CLASP1: variants seen among roughly 807,000 people sequenced by gnomAD.
The protein encoded by CLASP1 is CLIP-associating protein 1.
In CLASP1, 38 loss-of-function variants were observed where a neutral mutation model predicts 192.3. The observed-to-expected ratio is 0.20, with a 90% CI of 0.15 to 0.26. The LOEUF is 0.26. Ranked by LOEUF, CLASP1 falls within the 10% of genes least tolerant of loss-of-function variation. The pLI is 1.00. For missense variants in CLASP1, 1,433 were observed against 1,932.5 expected (o/e 0.74, Z 4.85); for synonymous variants, 691 against 712.8 (o/e 0.97, Z 0.49).
intron 6 of CLASP1, among the ~76,000 whole-genome samples, chr2:121,516,059 C>T (rs558065684): frequency 4.5e-4 from 69 of 152,138 alleles, no homozygotes; most frequent in Middle Eastern, 3.4e-3. Context: ...AATTTTCAGA[C>T]CATCTTTCCA....
intron 26 of CLASP1, chr2:121,402,621 A>G (rs1196078582): frequency 3.9e-6 from 2 of 518,876 alleles, no homozygotes; most frequent in Non-Finnish European, 7.7e-6. Flanking sequence ...GATGGAAACA[A>G]ATTTCCTTCT....
chr2:121,648,218 T>A (rs2073536061), intron 1 of CLASP1, among the ~76,000 whole-genome samples: 1 of 152,126 alleles, frequency 6.6e-6, no homozygotes, highest in African/African-American at 2.4e-5. Flanking sequence ...TAAAAACAAT[T>A]TCTAATGCCA....
At chr2:121,397,109 T>C in intron 30 of CLASP1, 31 bp downstream of exon 31, 1 of 1,609,872 alleles carries the variant, frequency 6.2e-7, no homozygotes, top group Non-Finnish European at 8.5e-7. Flanking sequence ...AGGAACAATC[T>C]GTAATTACAC....
At chr2:121,577,196 T>A (rs2060607931) in intron 2 of CLASP1, among the ~76,000 whole-genome samples, 1 of 152,034 alleles carries the variant, frequency 6.6e-6, no homozygotes, top group African/African-American at 2.4e-5. Flanking sequence ...GTTCATTGTT[T>A]CATTTTCTTT....
chr2:121,346,946 C>T, intron 39 of CLASP1, 92 bp downstream of exon 40: 2 of 757,602 alleles, frequency 2.6e-6, no homozygotes, highest in Non-Finnish European at 4.4e-6. Flanking sequence ...ATGAACAAAA[C>T]CTGTCTGGAA....
intron 38 of CLASP1, 118 bp from the exon 40 acceptor site, chr2:121,347,272 C>G (rs1311042653): frequency 2.9e-6 from 2 of 701,290 alleles, no homozygotes; most frequent in Non-Finnish European, 5.0e-6. Flanking sequence ...TTGTCAGTAA[C>G]AACCAGGATA....
At chr2:121,422,245 A>G (rs2079629882) in intron 22 of CLASP1, among the ~76,000 whole-genome samples, 1 of 152,244 alleles carries the variant, frequency 6.6e-6, no homozygotes, top group Admixed American at 6.5e-5. Context: ...AACAACCAGA[A>G]GTTAAAGACA....
exon 40 of CLASP1, chr2:121,337,813 AG>A (rs929072325): frequency 1.5e-5 from 2 of 132,284 alleles, no homozygotes; most frequent in Non-Finnish European, 3.0e-5. Context: ...CAAACTCAAA[AG>A]GGTTTTTTTT....
intron 1 of CLASP1, among the ~76,000 whole-genome samples, chr2:121,625,651 C>G (rs1011089288): frequency 4.0e-5 from 6 of 151,390 alleles, no homozygotes; most frequent in African/African-American, 1.5e-4. Context: ...CCAGGCTGGT[C>G]TTGAACTCCT....
chr2:121,388,927 AG>A (rs1221938783), intron 30 of CLASP1, among the ~76,000 whole-genome samples: 2 of 152,226 alleles, frequency 1.3e-5, no homozygotes, highest in Admixed American at 6.5e-5. Flanking sequence ...TCCATGACAT[AG>A]AATATTACAC....
chr2:121,527,613 A>G (rs2094605871), intron 5 of CLASP1, among the ~76,000 whole-genome samples, 186 bp downstream of exon 5: 1 of 152,146 alleles, frequency 6.6e-6, no homozygotes, highest in Non-Finnish European at 1.5e-5. Flanking sequence ...TATCCATCTC[A>G]ACTTCCTGGT....
At chr2:121,402,806 T>G (rs576167084) in intron 26 of CLASP1, 19 of 385,188 alleles carry the variant, frequency 4.9e-5, no homozygotes, top group Admixed American at 4.9e-4. Context: ...CTTGATAAAT[T>G]TTATCTTTGG....
chr2:121,575,517 A>G (rs1471211522), intron 2 of CLASP1, among the ~76,000 whole-genome samples: 1 of 151,378 alleles, frequency 6.6e-6, no homozygotes, highest in African/African-American at 2.4e-5. Context: ...CACACCACAA[A>G]GTAAAAGGGA....
At chr2:121,492,674 T>TAAAAAAAAAA (rs200482614) in intron 8 of CLASP1, among the ~76,000 whole-genome samples, 15 of 123,872 alleles carry the variant, frequency 1.2e-4, no homozygotes, top group Non-Finnish European at 9.3e-5. Context: ...TTAAAAAAAA[T>TAAAAAAAAAA]AAAAAAAAAA....
chr2:121,354,765 C>A (rs1410216751), intron 37 of CLASP1, among the ~76,000 whole-genome samples: 1 of 152,152 alleles, frequency 6.6e-6, no homozygotes. Flanking sequence ...TATCTGAGGT[C>A]CCCTGGGAGG....
intron 23 of CLASP1, 47 bp downstream of exon 23, chr2:121,418,575 A>G (rs1411999769): frequency 7.6e-7 from 1 of 1,313,250 alleles, no homozygotes; most frequent in Admixed American, 1.7e-5. Context: ...TCGGACAAGC[A>G]GGGAAAGGAA....
In CLASP1 at chr2:121,431,539, C is replaced by A. The variant is rs918443645; in HGVS notation, c.1913-1362G>T. Among the ~76,000 whole-genome samples the A allele has an allele frequency of 5.9e-5, 9 of 151,934 alleles. 1 individual carries two copies. The highest frequency in any genetic ancestry group is 1.3e-4 in the Non-Finnish European group (9 of 67,992). On this transcript the variant is annotated intron_variant, in intron 19 of 39. Transcript: ENST00000263710. ...CACTGAGCTAAATCAAGGCAAATCA[C>A]AAAGGCAAAGTGAACATGAAAAAAA...
chr2:121,629,611 T>C (rs2069095500), intron 1 of CLASP1, among the ~76,000 whole-genome samples: 1 of 151,180 alleles, frequency 6.6e-6, no homozygotes, highest in South Asian at 2.1e-4. Flanking sequence ...GCCAACATGG[T>C]GAAACCCCAT....
chr2:121,406,462 C>T (rs1252924845), intron 25 of CLASP1, among the ~76,000 whole-genome samples: 5 of 152,226 alleles, frequency 3.3e-5, no homozygotes, highest in Non-Finnish European at 5.9e-5. Flanking sequence ...ATGAACCATA[C>T]TAACCTGCAG....
Sources: gnomAD v4.1 joint callset for allele counts (sites outside exome capture counted in the v4.1 genomes callset) on GRCh38, gnomAD v4.1.1 for gene constraint, MANE v1.5 for transcripts, NCBI Gene and HGNC (gene_info 2026-07-23, HGNC 2026-07-21) for gene names.